RBM23: variants seen among roughly 807,000 people sequenced by gnomAD.
RBM23 encodes the protein RNA binding motif protein 23, also known as probable RNA-binding protein 23.
Under a neutral mutation model 56.2 loss-of-function variants are expected in RBM23, and 53 were observed. The ratio of observed to expected loss-of-function variants is 0.94; its 90% CI spans 0.76 to 1.19. The LOEUF (loss-of-function observed/expected upper bound fraction) is 1.19, where lower values mean the gene tolerates loss of function less well. Among genes scored for constraint, RBM23 ranks in the 50% most tolerant of loss-of-function variants. RBM23 has a pLI of 0.00. For missense variants in RBM23, 642 were observed against 590.3 expected (o/e 1.09, Z -0.91); for synonymous variants, 197 against 198.5 (o/e 0.99, Z 0.06).
Position 22,897,474 on chromosome 14 carries a change from C to T in RBM23, c.*4256G>A, listed in dbSNP as rs2040266147. On this transcript the variant is annotated 3_prime_UTR_variant, in exon 14 of 14. Coordinates refer to ENST00000359890, the MANE Select transcript of RBM23 (RefSeq NM_001077351.2). ...GCAGGTTAGATCACTCCCATGCCTCCTAGCAAGATGCTGAGCCTACAGTAG... is the reference window on the plus strand; with the variant it reads ...GCAGGTTAGATCACTCCCATGCCTCTTAGCAAGATGCTGAGCCTACAGTAG... The T allele has an allele frequency of 6.6e-6, 1 of 152,148 alleles. No individual in the cohort carries two copies. The highest frequency in any genetic ancestry group is 2.4e-5 in the African/African-American group (1 of 41,428). 9.4% of individuals were successfully genotyped at this position (152,148 alleles called of 1,614,324 possible).
chr14:22,910,671 C>A (rs1021905681), intron 2 of RBM23, among the ~76,000 whole-genome samples: 2 of 151,782 alleles, frequency 1.3e-5, no homozygotes, highest in Non-Finnish European at 2.9e-5. Context: ...GAGCTCGAGA[C>A]CAGCCCAGGC....
chr14:22,916,243 G>A (rs2043464091), intron 1 of RBM23, among the ~76,000 whole-genome samples: 1 of 151,538 alleles, frequency 6.6e-6, no homozygotes, highest in Non-Finnish European at 1.5e-5. Context: ...AGGTCACACA[G>A]CTCAAAGGGA....
chr14:22,903,395 G>A, intron 10 of RBM23: 1 of 985,484 alleles, frequency 1.0e-6, no homozygotes, highest in Non-Finnish European at 1.2e-6. Context: ...CAGAGAGCGA[G>A]AAAAGGTTAC....
intron 10 of RBM23, chr14:22,903,883 T>C: frequency 2.6e-6 from 3 of 1,169,812 alleles, no homozygotes; most frequent in Non-Finnish European, 3.2e-6. Context: ...TATAATTTCC[T>C]ATTCCCATCC....
At chr14:22,908,263 C>T in intron 4 of RBM23, 70 bp downstream of exon 4, 2 of 1,511,480 alleles carry the variant, frequency 1.3e-6, no homozygotes, top group Non-Finnish European at 1.8e-6. Context: ...TGAAGTGATC[C>T]TCCCGCCTTG....
intron 1 of RBM23, among the ~76,000 whole-genome samples, chr14:22,914,898 G>A (rs1278910551): frequency 6.7e-6 from 1 of 148,244 alleles, no homozygotes; most frequent in South Asian, 2.1e-4. Flanking sequence ...CAGGAGAATC[G>A]CTTGAACCTG....
chr14:22,918,307 A>C (rs2043926521), intron 1 of RBM23, among the ~76,000 whole-genome samples: 1 of 152,070 alleles, frequency 6.6e-6, no homozygotes, highest in Admixed American at 6.6e-5. Context: ...AGGCAGGGGA[A>C]TCGCTAGAAC....
Position 22,902,384 on chromosome 14 carries a change from T to C in RBM23, c.931-2A>G. The C allele has an allele frequency of 6.2e-7, 1 of 1,608,842 alleles. No homozygotes were observed. ...CCGGGCACACTCAGAATCAGAGAAC[T>C]ATGAGAAACCCAGGCCATGTTAGTC... On this transcript the variant is annotated splice_acceptor_variant, in intron 10 of 13. Transcript: ENST00000359890. LOFTEE classifies it high-confidence loss of function.
chr14:22,902,756 C>T (rs1242092640), intron 10 of RBM23: 9 of 460,838 alleles, frequency 2.0e-5, no homozygotes, highest in Admixed American at 2.2e-4. Context: ...AAGTTTTAGT[C>T]TTTTTTTTTT....
At chr14:22,914,276 G>A (rs931142206) in intron 1 of RBM23, among the ~76,000 whole-genome samples, 8 of 141,770 alleles carry the variant, frequency 5.6e-5, no homozygotes, top group African/African-American at 2.1e-4. Context: ...AGTGAGCCAA[G>A]ATCGTGCCAC....
At position 22,894,108 on chromosome 14, in the gene RBM23, A is replaced by G. The variant is rs887851275; in HGVS notation, c.*7622T>C. 6.6e-6 allele frequency: 1 copy of G among 152,254 alleles called. No homozygotes were observed. The highest frequency in any genetic ancestry group is 1.5e-5 in the Non-Finnish European group (1 of 68,046). 9.4% of individuals were successfully genotyped at this position (152,254 alleles called of 1,614,324 possible). A position where few individuals can be genotyped will look rare whatever the true frequency, so the allele number is the denominator to read the frequency against. On this transcript the variant is annotated 3_prime_UTR_variant, in exon 14 of 14. Transcript: ENST00000359890. ...CAAAGATCTTTGTAATTTCTCAAGCATTATACAGAGAAGCGGTGGAAGTAG... is the reference window on the plus strand; with the variant it reads ...CAAAGATCTTTGTAATTTCTCAAGCGTTATACAGAGAAGCGGTGGAAGTAG...
rs2040195786 is a variant in RBM23, at chr14:22,893,344, AT to A, written c.*8385del. 6.6e-6 allele frequency: 1 copy of A among 152,254 alleles called. No homozygotes were observed. The highest frequency in any genetic ancestry group is 1.5e-5 in the Non-Finnish European group (1 of 68,052). The allele number at this position is 152,254 out of a possible 1,614,324, so 9.4% of individuals were successfully genotyped here. The stretch of plus-strand genomic sequence containing the variant: ...CTCTCAAGTACTAAACATCTGCAAT[AT>A]GCCAATCAGTGTGCCGGGCCCAATG... On this transcript the variant is annotated 3_prime_UTR_variant, in exon 14 of 14. Transcript: ENST00000359890.
chr14:22,903,518 T>C, intron 10 of RBM23: 2 of 986,382 alleles, frequency 2.0e-6, no homozygotes, highest in Non-Finnish European at 2.4e-6. Context: ...CCTAGGCAGG[T>C]GTTATACATG....
chr14:22,902,053 GGCGGCAGCA>G lies in RBM23; in HGVS notation c.1164_1172del (p.Ala391_Ala393del). The G allele has an allele frequency of 1.9e-6, 3 of 1,612,636 alleles. No individual in the cohort carries two copies. The highest frequency in any genetic ancestry group is 2.2e-5 in the South Asian group (2 of 90,922). On this transcript the variant is annotated inframe_deletion, in exon 12 of 14. Transcript: ENST00000359890. Reference sequence around the variant, plus strand: ...GTTGCAAGGCAGCAGCCTGGGCGGCGGCGGCAGCAGCAGCAGCAGCAGTGCTTGGCAGTT... The same window carrying G: ...GTTGCAAGGCAGCAGCCTGGGCGGCGGCAGCAGCAGCAGTGCTTGGCAGTT...
intron 1 of RBM23, among the ~76,000 whole-genome samples, chr14:22,915,738 C>T (rs1407730443): frequency 6.6e-6 from 1 of 152,190 alleles, no homozygotes; most frequent in East Asian, 1.9e-4. Flanking sequence ...TCAGGTAATC[C>T]GCCTGCCTCG....
chr14:22,901,889 A>T lies in RBM23; in HGVS notation c.1247-6T>A, dbSNP rs202182398. 1 of 1,614,218 alleles carries T rather than the reference A, an allele frequency of 6.2e-7. No homozygotes were observed. Among genetic ancestry groups the T allele is most frequent in the East Asian group, 2.2e-5 (1 of 44,878 alleles). On this transcript the variant is annotated splice_region_variant and splice_polypyrimidine_tract_variant and intron_variant, in intron 12 of 13. Coordinates refer to ENST00000359890, the MANE Select transcript of RBM23 (RefSeq NM_001077351.2). ...GTTCAGGGCTGGACTCAGAGCTAGAACAAAGACAGGCAGAGTGAGTGAGCA... is the reference window on the plus strand; with the variant it reads ...GTTCAGGGCTGGACTCAGAGCTAGATCAAAGACAGGCAGAGTGAGTGAGCA...
In RBM23 at chr14:22,912,126, C is replaced by T. The variant is rs537166875; in HGVS notation, c.-10-723G>A. 1.2e-3 allele frequency among the ~76,000 whole-genome samples: 177 copies of T among 152,098 alleles called. 8 individuals carry two copies. In the South Asian group the frequency reaches 0.033, roughly 28 times the overall value. ...ATTCTGAATAAATACCTGGTTTAAA[C>T]TCAAATAATAAAAACAGGCCTGGCT... On this transcript the variant is annotated intron_variant, in intron 1 of 13. Coordinates refer to ENST00000359890, the MANE Select transcript of RBM23 (RefSeq NM_001077351.2).
intron 1 of RBM23, among the ~76,000 whole-genome samples, chr14:22,913,137 G>A (rs1376063798): frequency 4.0e-5 from 6 of 148,564 alleles, no homozygotes; most frequent in Non-Finnish European, 9.0e-5. Context: ...CAAGAAGGCC[G>A]GGCGCGGTGG....
intron 10 of RBM23, 45 bp from the exon 11 acceptor site, chr14:22,902,427 A>T (rs371234045): frequency 6.9e-6 from 11 of 1,590,528 alleles, no homozygotes; most frequent in Non-Finnish European, 7.7e-6. Context: ...CACCAAAGAC[A>T]TGCTCTCAAA....
Sources: allele counts gnomAD v4.1 joint callset (sites outside exome capture counted in the v4.1 genomes callset), GRCh38; gene constraint gnomAD v4.1.1; transcripts MANE v1.5; gene names NCBI Gene and HGNC (gene_info 2026-07-23, HGNC 2026-07-21).